The following PCDH9 variants were observed in gnomAD, a reference collection of about 807,000 sequenced individuals.
PCDH9 encodes protocadherin-9.
In PCDH9, 24 loss-of-function variants were observed where a neutral mutation model predicts 70.6. The ratio of observed to expected loss-of-function variants is 0.34; its 90% CI spans 0.25 to 0.48. The LOEUF (loss-of-function observed/expected upper bound fraction) is 0.48. PCDH9 is among the 20% of genes least tolerant of loss of function. The pLI is 0.99. For missense variants in PCDH9, 1,281 were observed against 1,503.6 expected (o/e 0.85, Z 2.45); for synonymous variants, 562 against 558.5 (o/e 1.01, Z -0.09).
At chr13:67,216,002 A>T (rs2089591856) in intron 2 of PCDH9, 2 of 152,162 alleles carry the variant, frequency 1.3e-5, no homozygotes, top group South Asian at 4.1e-4. Flanking sequence ...ATCATCAGGA[A>T]CCAGGGCCAT....
chr13:66,935,103 C>A (rs1209818804), intron 2 of PCDH9, among the ~76,000 whole-genome samples: 1 of 151,848 alleles, frequency 6.6e-6, no homozygotes, highest in African/African-American at 2.4e-5. Flanking sequence ...TCAATCTCTC[C>A]CAGGCTAAAG....
chr13:66,615,226 G>T (rs2077341232), intron 4 of PCDH9, among the ~76,000 whole-genome samples: 1 of 152,110 alleles, frequency 6.6e-6, no homozygotes, highest in East Asian at 1.9e-4. Flanking sequence ...TAACTACATG[G>T]GGAGGAAAGT....
At position 66,395,466 on chromosome 13, in the gene PCDH9, T is replaced by A. The variant is rs762902425; in HGVS notation, c.3341-90438A>T. The stretch of plus-strand genomic sequence containing the variant: ...AAATACAAAAATTAGCAGGGCACGG[T>A]GGCACGCGCCTGTAATCCTAGCTAC... On this transcript the variant is annotated intron_variant, in intron 4 of 4. Transcript: ENST00000377865. Among the ~76,000 whole-genome samples the A allele has an allele frequency of 2.0e-5, 3 of 151,924 alleles. No homozygotes were observed. In the South Asian group the frequency reaches 6.2e-4, roughly 32 times the overall value.
At chr13:66,828,796 G>T (rs990256552) in intron 3 of PCDH9, among the ~76,000 whole-genome samples, 1 of 142,336 alleles carries the variant, frequency 7.0e-6, no homozygotes, top group Non-Finnish European at 1.5e-5. Context: ...AAATTTTGTT[G>T]TAAGCCATAC....
chr13:67,227,694 C>A lies in PCDH9; in HGVS notation c.747G>T (p.Arg249Ser), dbSNP rs377084770. The A allele has an allele frequency of 6.2e-6, 10 of 1,614,032 alleles. No individual in the cohort carries two copies. The highest frequency in any genetic ancestry group is 8.5e-6 in the Non-Finnish European group (10 of 1,179,920). ...QVTVSDVNDN[R>S]PVFKEGQVEV... ...CCACTTGACCCTCTTTAAACACTGG[C>A]CTGTTGTCATTTACATCACTTACTG... Residue 249 changes from arginine (R) to serine (S), a missense_variant, in exon 2 of 5, where the codon AGG becomes AGT. Coordinates refer to ENST00000377865, the MANE Select transcript of PCDH9 (RefSeq NM_203487.3). The surrounding 1 kb of genome is among the most constrained non-coding windows in gnomAD (Gnocchi z 4.6).
chr13:66,614,376 G>C (rs758581645), intron 4 of PCDH9, among the ~76,000 whole-genome samples: 3 of 152,116 alleles, frequency 2.0e-5, no homozygotes, highest in Non-Finnish European at 4.4e-5. Context: ...TTTAAATTGA[G>C]CATTGAAATA....
chr13:67,198,256 G>A (rs1244058075), intron 2 of PCDH9, among the ~76,000 whole-genome samples: 1 of 151,670 alleles, frequency 6.6e-6, no homozygotes, highest in East Asian at 1.9e-4. Context: ...ACCTTAGTAT[G>A]CATCTTAACC....
intron 2 of PCDH9, chr13:67,208,150 T>A (rs2089394961): frequency 6.6e-6 from 1 of 152,336 alleles, no homozygotes; most frequent in African/African-American, 2.4e-5. Flanking sequence ...TTTCTTTATC[T>A]GTCCATCTTC....
At chr13:66,975,644 A>C (rs958477312) in intron 2 of PCDH9, among the ~76,000 whole-genome samples, 1 of 151,960 alleles carries the variant, frequency 6.6e-6, no homozygotes. Flanking sequence ...AGACGGAAGA[A>C]TCTTTCAACA....
intron 4 of PCDH9, among the ~76,000 whole-genome samples, chr13:66,376,438 T>G (rs9540732): frequency 0.43 from 64,753 of 151,846 alleles, 15,709 homozygotes; most frequent in East Asian, 0.62. Flanking sequence ...GATCTTTTTT[T>G]GCAGTTGTTC....
intron 2 of PCDH9, among the ~76,000 whole-genome samples, chr13:67,188,922 T>C (rs922787332): frequency 2.6e-5 from 4 of 151,994 alleles, no homozygotes; most frequent in African/African-American, 9.7e-5. Flanking sequence ...TTGTAGTCTT[T>C]TATCCCTCAC....
At chr13:66,776,935 G>T (rs11148725) in intron 3 of PCDH9, among the ~76,000 whole-genome samples, 46,499 of 136,790 alleles carry the variant, frequency 0.34, 8,278 homozygotes, top group East Asian at 0.54. Flanking sequence ...AACAGAGATA[G>T]AGATCAATGG....
At chr13:66,506,406 G>A (rs1195569267) in intron 4 of PCDH9, among the ~76,000 whole-genome samples, 7 of 152,062 alleles carry the variant, frequency 4.6e-5, no homozygotes, top group South Asian at 4.2e-4. Flanking sequence ...CGTGGAAGAC[G>A]GACAGAATAA....
intron 3 of PCDH9, among the ~76,000 whole-genome samples, chr13:66,856,460 G>GA (rs993819076): frequency 1.3e-5 from 2 of 151,854 alleles, no homozygotes; most frequent in East Asian, 1.9e-4. Flanking sequence ...AACTTATTTT[G>GA]AAAAAAATAG....
intron 2 of PCDH9, among the ~76,000 whole-genome samples, chr13:66,971,832 A>G (rs916346405): frequency 4.6e-5 from 7 of 152,132 alleles, no homozygotes; most frequent in African/African-American, 1.4e-4. Flanking sequence ...AAATAAAAAT[A>G]AATTAGTCCT....
intron 2 of PCDH9, among the ~76,000 whole-genome samples, chr13:67,193,432 T>C (rs1944533965): frequency 6.6e-6 from 1 of 152,058 alleles, no homozygotes. Context: ...TGCAGTCTTT[T>C]ATCTATTTTT....
At chr13:66,836,894 C>G (rs1366772676) in intron 3 of PCDH9, among the ~76,000 whole-genome samples, 1 of 152,168 alleles carries the variant, frequency 6.6e-6, no homozygotes, top group Non-Finnish European at 1.5e-5. Context: ...ATAAAATAGT[C>G]TACCTCATGT....
At chr13:66,593,871 G>A (rs992302446) in intron 4 of PCDH9, among the ~76,000 whole-genome samples, 1 of 151,276 alleles carries the variant, frequency 6.6e-6, no homozygotes, top group Middle Eastern at 3.4e-3. Flanking sequence ...CTACACATCT[G>A]TAGAATATGT....
intron 4 of PCDH9, among the ~76,000 whole-genome samples, chr13:66,405,002 A>G (rs1327300702): frequency 6.6e-6 from 1 of 152,206 alleles, no homozygotes; most frequent in East Asian, 1.9e-4. Flanking sequence ...TTTTAAAGAA[A>G]TAAATGATAT....
Sources: gnomAD v4.1 joint callset for allele counts (sites outside exome capture counted in the v4.1 genomes callset) on GRCh38, gnomAD v4.1.1 for gene constraint, Gnocchi (gnomAD v3.1) non-coding constraint, MANE v1.5 for transcripts, NCBI Gene and HGNC (gene_info 2026-07-23, HGNC 2026-07-21) for gene names.